Variants in RBM33 observed in about 807,000 individuals in gnomAD.
RBM33 encodes RNA-binding protein 33.
RBM33 carries 28 observed loss-of-function variants against 132.6 expected under a neutral mutation model. The observed-to-expected ratio is 0.21, with a 90% CI of 0.16 to 0.29. The LOEUF (loss-of-function observed/expected upper bound fraction) is 0.29. Ranked by LOEUF, RBM33 falls within the 10% of genes least tolerant of loss-of-function variation. The pLI, the probability that RBM33 is intolerant of heterozygous loss-of-function variation, is 1.00. For missense variants in RBM33, 1,291 were observed against 1,518.5 expected (o/e 0.85, Z 2.49); for synonymous variants, 634 against 593.0 (o/e 1.07, Z -1.01).
intron 5 of RBM33, among the ~76,000 whole-genome samples, chr7:155,681,235 A>G (rs1372684567): frequency 6.6e-6 from 1 of 152,248 alleles, no homozygotes; most frequent in African/African-American, 2.4e-5. Context: ...TCCTGGCTTT[A>G]GACAAGATCT....
chr7:155,717,384 T>A (rs759642336), intron 8 of RBM33, among the ~76,000 whole-genome samples: 13 of 152,076 alleles, frequency 8.5e-5, no homozygotes, highest in Non-Finnish European at 1.6e-4. Flanking sequence ...ATGTCTAAAT[T>A]TCCCTTTCTT....
intron 3 of RBM33, among the ~76,000 whole-genome samples, chr7:155,673,402 T>TTGTGTGTG (rs200441063): frequency 2.2e-5 from 1 of 45,162 alleles, no homozygotes. Flanking sequence ...TTTATATATA[T>TTGTGTGTG]TGTGTGTGTG....
At chr7:155,759,851 A>G (rs973890212) in intron 14 of RBM33, among the ~76,000 whole-genome samples, 1 of 152,210 alleles carries the variant, frequency 6.6e-6, no homozygotes, top group Non-Finnish European at 1.5e-5. Flanking sequence ...TTGGATTGCC[A>G]GGGAAACCGG....
intron 9 of RBM33, among the ~76,000 whole-genome samples, chr7:155,725,279 T>TA (rs747149421): frequency 7.8e-5 from 11 of 141,422 alleles, no homozygotes; most frequent in South Asian, 4.5e-4. Context: ...CAGTAATGAA[T>TA]AAAAAAAAAT....
intron 10 of RBM33, 39 bp downstream of exon 10, chr7:155,737,701 C>T (rs1269356409): frequency 6.6e-7 from 1 of 1,514,982 alleles, no homozygotes; most frequent in Admixed American, 2.4e-5. Context: ...ACAACAGAAG[C>T]TGCATTGGGT....
At position 155,678,622 on chromosome 7, in the gene RBM33, G is replaced by A; in HGVS notation, c.186G>A (p.Leu62=). 1 of 1,568,994 alleles carries A rather than the reference G, an allele frequency of 6.4e-7. No individual in the cohort carries two copies. Among genetic ancestry groups the A allele is most frequent in the Non-Finnish European group, 8.7e-7 (1 of 1,152,044 alleles). Residue 62 remains leucine (L), a synonymous_variant, in exon 4 of 18, where the codon TTG becomes TTA. Coordinates refer to ENST00000401878, the MANE Select transcript of RBM33 (RefSeq NM_053043.3). ...ATTTTAATTAGAATCAGTCGGATTT[G>A]TCAGATGAAGAGCTAAATGATGATC... ...LLSGKKNQSD[L]SDEELNDDLL... is the part of the protein sequence containing the mutation.
chr7:155,652,302 G>A (rs1199281586), intron 1 of RBM33, among the ~76,000 whole-genome samples: 7 of 152,194 alleles, frequency 4.6e-5, no homozygotes, highest in African/African-American at 7.2e-5. Flanking sequence ...GAACTCCGCC[G>A]TTTACCTTGA....
intron 1 of RBM33, among the ~76,000 whole-genome samples, chr7:155,664,452 G>A (rs1190811656): frequency 8.6e-5 from 13 of 150,496 alleles, no homozygotes. Flanking sequence ...TATTTTTTTA[G>A]TAGAGGTGGG....
chr7:155,681,615 A>T lies in RBM33; in HGVS notation c.567+707A>T, dbSNP rs542818516. Among the ~76,000 whole-genome samples the T allele has an allele frequency of 7.2e-5, 11 of 152,232 alleles. No homozygotes were observed. In the East Asian group the frequency reaches 1.7e-3, roughly 24 times the overall value. On this transcript the variant is annotated intron_variant, in intron 5 of 17. Coordinates refer to ENST00000401878, the MANE Select transcript of RBM33 (RefSeq NM_053043.3). Reference sequence around the variant, plus strand: ...ATGTAACGAAATTTATGAGGGAAGGATGTGATCTCAGTAGCTGTAGTAGAA... The same window carrying T: ...ATGTAACGAAATTTATGAGGGAAGGTTGTGATCTCAGTAGCTGTAGTAGAA...
intron 9 of RBM33, among the ~76,000 whole-genome samples, chr7:155,727,513 T>C (rs1206852288): frequency 6.6e-6 from 1 of 152,208 alleles, no homozygotes; most frequent in Non-Finnish European, 1.5e-5. Context: ...GTGCCACTTG[T>C]GTGCAAAACA....
intron 14 of RBM33, among the ~76,000 whole-genome samples, chr7:155,754,972 G>T (rs906439616): frequency 3.3e-5 from 5 of 152,196 alleles, no homozygotes; most frequent in African/African-American, 9.6e-5. Flanking sequence ...TTGCAGAGAA[G>T]AAAGAGAATG....
At chr7:155,664,882 C>T (rs1246948999) in intron 1 of RBM33, among the ~76,000 whole-genome samples, 1 of 150,504 alleles carries the variant, frequency 6.6e-6, no homozygotes, top group Non-Finnish European at 1.5e-5. Flanking sequence ...ACTCAAAACC[C>T]ATTTTATAAA....
At chr7:155,697,066 C>T (rs1799812873) in intron 5 of RBM33, among the ~76,000 whole-genome samples, 1 of 152,182 alleles carries the variant, frequency 6.6e-6, no homozygotes. Context: ...CAGTTTTCTT[C>T]ATTGTAATGT....
At chr7:155,743,318 G>A (rs1042556447) in intron 13 of RBM33, among the ~76,000 whole-genome samples, 1 of 152,224 alleles carries the variant, frequency 6.6e-6, no homozygotes, top group African/African-American at 2.4e-5. Context: ...ATGTGTAACT[G>A]ATTTGGTTCA....
At chr7:155,717,711 C>A (rs1257968239) in intron 8 of RBM33, among the ~76,000 whole-genome samples, 1 of 152,186 alleles carries the variant, frequency 6.6e-6, no homozygotes, top group Non-Finnish European at 1.5e-5. Context: ...AGCTTAAACA[C>A]ATCTGATTTA....
intron 9 of RBM33, among the ~76,000 whole-genome samples, chr7:155,737,248 G>A (rs1475075740): frequency 1.3e-5 from 2 of 148,840 alleles, no homozygotes; most frequent in African/African-American, 5.0e-5. Context: ...AGGTGCGCGT[G>A]TGTGTGTGTG....
chr7:155,745,765 C>T lies in RBM33; in HGVS notation c.2979+163C>T, dbSNP rs1585521383. ...AGTTGGTATAAGAATTGCCGCTTGA[C>T]GACAGGCATACATTCTCAGAAATGT... On this transcript the variant is annotated intron_variant, in intron 14 of 17. Transcript: ENST00000401878. The surrounding 1 kb of genome is among the most constrained non-coding windows in gnomAD (Gnocchi z 4.1). 2.9e-6 allele frequency: 2 copies of T among 697,104 alleles called. No individual in the cohort carries two copies. The highest frequency in any genetic ancestry group is 2.7e-5 in the East Asian group (1 of 36,432). 43.2% of individuals were successfully genotyped at this position (697,104 alleles called of 1,614,324 possible).
At chr7:155,750,659 G>A (rs540925123) in intron 14 of RBM33, among the ~76,000 whole-genome samples, 1 of 151,978 alleles carries the variant, frequency 6.6e-6, no homozygotes, top group East Asian at 1.9e-4. Context: ...AAAGTTAGTG[G>A]TACAGTGCTT....
chr7:155,746,871 A>G (rs1358819021), intron 14 of RBM33, among the ~76,000 whole-genome samples: 2 of 152,238 alleles, frequency 1.3e-5, no homozygotes, highest in African/African-American at 4.8e-5. Context: ...AAAAATGTAT[A>G]CAGTAAAAAA....
Sources: gnomAD v4.1 joint callset for allele counts (sites outside exome capture counted in the v4.1 genomes callset) on GRCh38, gnomAD v4.1.1 for gene constraint, Gnocchi (gnomAD v3.1) non-coding constraint, MANE v1.5 for transcripts, NCBI Gene and HGNC (gene_info 2026-07-23, HGNC 2026-07-21) for gene names.